Variants in GRK3 observed in about 807,000 individuals in gnomAD.
GRK3 encodes G protein-coupled receptor kinase 3.
A neutral mutation model predicts 95.7 loss-of-function variants in GRK3; 54 were observed. That is an observed-to-expected ratio of 0.56 (90% confidence interval 0.45 to 0.71). The LOEUF is 0.71. Ranked by LOEUF, GRK3 falls within the 30% of genes least tolerant of loss-of-function variation. GRK3 has a pLI of 0.00. For missense variants in GRK3, 649 were observed against 851.2 expected (o/e 0.76, Z 2.96); for synonymous variants, 281 against 290.8 (o/e 0.97, Z 0.34).
rs1173868821 is a variant in GRK3, at chr22:25,626,313, C to G, written c.191-18279C>G. On this transcript the variant is annotated intron_variant, in intron 2 of 20. Transcript: ENST00000324198. ...CGTAGGACTTGCAGATGTTTGTGCA[C>G]TGTTGGGATGGGTGATAGGATGAAT... Among the ~76,000 whole-genome samples, 11 of 152,290 alleles carry G rather than the reference C, an allele frequency of 7.2e-5. No homozygotes were observed. In the East Asian group the frequency reaches 2.1e-3, roughly 29 times the overall value.
At chr22:25,609,214 G>A (rs1368923251) in intron 2 of GRK3, among the ~76,000 whole-genome samples, 1 of 152,178 alleles carries the variant, frequency 6.6e-6, no homozygotes, top group Non-Finnish European at 1.5e-5. Flanking sequence ...CATATGAAGT[G>A]AGGCACATGG....
intron 2 of GRK3, among the ~76,000 whole-genome samples, chr22:25,607,038 A>G (rs1160042846): frequency 3.9e-5 from 6 of 152,198 alleles, no homozygotes; most frequent in Admixed American, 6.5e-5. Flanking sequence ...ACACACAGAA[A>G]AGTAGACTAG....
chr22:25,694,961 A>C, intron 12 of GRK3, 146 bp from the exon 13 acceptor site: 4 of 555,700 alleles, frequency 7.2e-6, no homozygotes, highest in Non-Finnish European at 1.3e-5. Context: ...TGTTCAGTGC[A>C]TCACGTTTGC....
intron 1 of GRK3, among the ~76,000 whole-genome samples, chr22:25,576,675 AG>A (rs532181732): frequency 1.2e-3 from 182 of 152,354 alleles, no homozygotes; most frequent in Non-Finnish European, 2.1e-3. Context: ...CTTCAAATCC[AG>A]GTTTTCTGAT....
intron 2 of GRK3, among the ~76,000 whole-genome samples, chr22:25,641,183 T>A (rs967973499): frequency 6.6e-6 from 1 of 152,224 alleles, no homozygotes; most frequent in Non-Finnish European, 1.5e-5. Flanking sequence ...TGTTTTCTAT[T>A]GTGTGTTGAA....
At chr22:25,665,865 C>A (rs1228352763) in intron 5 of GRK3, among the ~76,000 whole-genome samples, 1 of 152,060 alleles carries the variant, frequency 6.6e-6, no homozygotes, top group Non-Finnish European at 1.5e-5. Flanking sequence ...GTAAGATTGC[C>A]TTTAGAGGTA....
At chr22:25,664,799 A>G (rs181274843) in intron 5 of GRK3, among the ~76,000 whole-genome samples, 3 of 152,260 alleles carry the variant, frequency 2.0e-5, no homozygotes, top group South Asian at 2.1e-4. Context: ...GATTACAGGC[A>G]TGAGCCACCA....
At chr22:25,710,122 C>T (rs1447313669) in intron 16 of GRK3, 158 bp downstream of exon 16, 1 of 686,104 alleles carries the variant, frequency 1.5e-6, no homozygotes, top group African/African-American at 1.8e-5. Context: ...CATCCTGTGT[C>T]CACACTCTCT....
rs544108023 is a variant in GRK3 at position 25,675,696 on chromosome 22, G to A, written c.647+1168G>A. Reference sequence around the variant, plus strand: ...CTGCCTCCGGTCAGCCTCTGCTCAGGCACTTCCTGGGATTGGGAGCTGATG... The same window carrying A: ...CTGCCTCCGGTCAGCCTCTGCTCAGACACTTCCTGGGATTGGGAGCTGATG... On this transcript the variant is annotated intron_variant, in intron 8 of 20. Transcript: ENST00000324198. Among the ~76,000 whole-genome samples the A allele has an allele frequency of 5.3e-5, 8 of 152,326 alleles. 1 individual carries two copies. The South Asian group carries it at 1.7e-3, about 32-fold the overall frequency.
intron 1 of GRK3, among the ~76,000 whole-genome samples, chr22:25,565,626 C>A (rs1409841095): frequency 2.0e-5 from 3 of 152,232 alleles, no homozygotes; most frequent in African/African-American, 4.8e-5. Flanking sequence ...TCTCACCTCC[C>A]TCTGGGCCGC....
At chr22:25,651,155 A>T (rs562301249) in intron 3 of GRK3, among the ~76,000 whole-genome samples, 1 of 152,342 alleles carries the variant, frequency 6.6e-6, no homozygotes, top group Admixed American at 6.5e-5. Flanking sequence ...GTAACTAAAA[A>T]ATTTCAAAAT....
chr22:25,683,963 G>C (rs1195731474), intron 9 of GRK3, among the ~76,000 whole-genome samples: 1 of 152,050 alleles, frequency 6.6e-6, no homozygotes, highest in Non-Finnish European at 1.5e-5. Flanking sequence ...ATTCTCTTTT[G>C]TTTTCTTCTG....
At chr22:25,689,855 T>C (rs2085151306) in intron 11 of GRK3, among the ~76,000 whole-genome samples, 1 of 152,200 alleles carries the variant, frequency 6.6e-6, no homozygotes, top group African/African-American at 2.4e-5. Flanking sequence ...GGCATGCTGT[T>C]GTGGCTGCGC....
rs952815409 is a variant in GRK3, at chr22:25,648,047, C to T, written c.264+3382C>T. The T allele has an allele frequency of 1.8e-5, 9 of 507,960 alleles. No homozygotes were observed. In the Admixed American group the frequency reaches 2.0e-4, roughly 11 times the overall value. The allele number at this position is 507,960 out of a possible 1,614,324, so 31.5% of individuals were successfully genotyped here. A position where few individuals can be genotyped will look rare whatever the true frequency, so the allele number is the denominator to read the frequency against. ...AGCAGAATCACTTGAACCTGGGAGG[C>T]GGAGGTTGCAGTGAGCTGAGATCGC... On this transcript the variant is annotated intron_variant, in intron 3 of 20. Transcript: ENST00000324198.
rs200189647 is a variant in GRK3, at chr22:25,678,954, T to C, written c.747+39T>C. The C allele has an allele frequency of 2.2e-6, 3 of 1,368,618 alleles. No homozygotes were observed. In the East Asian group the frequency reaches 7.0e-5, roughly 32 times the overall value. 84.8% of individuals were successfully genotyped at this position (1,368,618 alleles called of 1,614,324 possible). ...TTCCAGCATTTCTTTTAAAAATGTTTTGTTTGTTTCATAGCAGGATGATTT... is the reference window on the plus strand; with the variant it reads ...TTCCAGCATTTCTTTTAAAAATGTTCTGTTTGTTTCATAGCAGGATGATTT... On this transcript the variant is annotated intron_variant, in intron 9 of 20. Transcript: ENST00000324198.
intron 2 of GRK3, among the ~76,000 whole-genome samples, chr22:25,611,645 C>T (rs989760124): frequency 1.3e-5 from 2 of 152,030 alleles, no homozygotes; most frequent in African/African-American, 4.8e-5. Flanking sequence ...AAATCTTTTA[C>T]CCATCCTGAA....
intron 15 of GRK3, among the ~76,000 whole-genome samples, chr22:25,706,093 A>C (rs1216451828): frequency 1.3e-5 from 2 of 152,052 alleles, no homozygotes; most frequent in African/African-American, 4.8e-5. Context: ...TGCACTTCTG[A>C]TCTTGTATAT....
intron 2 of GRK3, among the ~76,000 whole-genome samples, chr22:25,625,830 C>CTCTCTCT (rs1008556849): frequency 2.6e-5 from 4 of 152,338 alleles, no homozygotes; most frequent in African/African-American, 9.6e-5. Flanking sequence ...TGTCTCCTCT[C>CTCTCTCT]TCTCTCTGCC....
rs1307315100 is a variant in GRK3, at chr22:25,699,067, T to C, written c.1160+3853T>C. ...TGAAACTGAAGTGTACGGAGGGCCT[T>C]TCAGGAGCAAAACCCTGTGGCGAGG... On this transcript the variant is annotated intron_variant, in intron 13 of 20. Coordinates refer to ENST00000324198, the MANE Select transcript of GRK3 (RefSeq NM_005160.4). Among the ~76,000 whole-genome samples the C allele has an allele frequency of 2.7e-4, 41 of 152,152 alleles. 1 individual carries two copies. The highest frequency in any genetic ancestry group is 2.7e-3 in the Admixed American group (41 of 15,274).
Sources: allele counts gnomAD v4.1 joint callset (sites outside exome capture counted in the v4.1 genomes callset), GRCh38; gene constraint gnomAD v4.1.1; transcripts MANE v1.5; gene names NCBI Gene and HGNC (gene_info 2026-07-23, HGNC 2026-07-21).